OVCH2: variants seen among roughly 807,000 people sequenced by gnomAD.
OVCH2 encodes the protein ovochymase-2.
In OVCH2, 88 loss-of-function variants were observed where a neutral mutation model predicts 73.7. That is an observed-to-expected ratio of 1.19 (90% confidence interval 1.01 to 1.43). The LOEUF is 1.43. Among genes scored for constraint, OVCH2 ranks in the 40% most tolerant of loss-of-function variants. OVCH2 has a pLI of 0.00. For synonymous variants in OVCH2, 265 were observed against 234.5 expected (o/e 1.13, Z -1.19); for missense variants, 706 against 674.5 (o/e 1.05, Z -0.52).
chr11:7,692,627 G>A (rs141953584), intron 12 of OVCH2, among the ~76,000 whole-genome samples: 4 of 152,274 alleles, frequency 2.6e-5, no homozygotes, highest in Admixed American at 1.3e-4. Context: ...AAGTGGGCTC[G>A]GAGTCAAATG....
At chr11:7,702,688 G>C (rs1431930939) in intron 3 of OVCH2, among the ~76,000 whole-genome samples, 1 of 152,190 alleles carries the variant, frequency 6.6e-6, no homozygotes, top group African/African-American at 2.4e-5. Context: ...ATATCAGTGA[G>C]ACCCTTTGGG....
intron 14 of OVCH2, 122 bp downstream of exon 14, chr11:7,691,147 T>C: frequency 8.2e-7 from 1 of 1,214,452 alleles, no homozygotes; most frequent in South Asian, 1.4e-5. Context: ...GGTGACTTGA[T>C]AGGATGTAAT....
chr11:7,698,140 A>G (rs949825407), intron 8 of OVCH2, among the ~76,000 whole-genome samples: 16 of 152,206 alleles, frequency 1.1e-4, no homozygotes, highest in African/African-American at 3.9e-4. Flanking sequence ...TTGCAGCTTC[A>G]AAGATGTCTG....
chr11:7,696,614 G>T, intron 9 of OVCH2, 25 bp from the exon 10 acceptor site: 4 of 1,613,984 alleles, frequency 2.5e-6, no homozygotes, highest in Non-Finnish European at 3.4e-6. Flanking sequence ...TGGAGAGGGC[G>T]TTATTTCTAG....
At chr11:7,685,727 T>G (rs1361183016), downstream of OVCH2, among the ~76,000 whole-genome samples, 1 of 152,202 alleles carries the variant, frequency 6.6e-6, no homozygotes, top group Non-Finnish European at 1.5e-5. Flanking sequence ...TTATCTTGTG[T>G]CTTCAATGAA....
rs1367735067 is a variant in OVCH2 at position 7,696,219 on chromosome 11, G to A, written c.1141+246C>T. On this transcript the variant is annotated intron_variant, in intron 10 of 15. Coordinates refer to ENST00000533663, the MANE Select transcript of OVCH2 (RefSeq NM_198185.7). ...AGAGTTTATTCCTCATGGACACCAG[G>A]TCTGGCAAATGGGCCTAGGAAGCCT... is the stretch of plus-strand genomic sequence containing the variant. 2.6e-5 allele frequency among the ~76,000 whole-genome samples: 4 copies of A among 152,156 alleles called. 1 individual carries two copies. The highest frequency in any genetic ancestry group is 5.9e-5 in the Non-Finnish European group (4 of 68,030).
rs777626522 is a variant in OVCH2 at position 7,696,726 on chromosome 11, T to C, written c.999A>G (p.Leu333=). The part of the protein sequence containing the change: ...GKLHFPESLH[L]YYESKQRCVW... ...TTACTCACTGCTTGCTCTCATAATA[T>C]AGGTGGAGGCTTTCTGGGAAGTGCA... Residue 333 remains leucine, a synonymous_variant, in exon 9 of 16, where the codon CTA becomes CTG. Coordinates refer to ENST00000533663, the MANE Select transcript of OVCH2 (RefSeq NM_198185.7). 2.9e-5 allele frequency: 47 copies of C among 1,613,596 alleles called. No individual in the cohort carries two copies. In the South Asian group the frequency reaches 4.6e-4, roughly 16 times the overall value.
At chr11:7,702,036 C>G (rs1427010289) in intron 4 of OVCH2, 121 bp downstream of exon 4, 2 of 967,064 alleles carry the variant, frequency 2.1e-6, no homozygotes, top group East Asian at 5.2e-5. Flanking sequence ...GTAGGACTCT[C>G]CAGCCTAAAT....
At chr11:7,693,156 AG>A (rs2136152294) in intron 12 of OVCH2, among the ~76,000 whole-genome samples, 1 of 152,358 alleles carries the variant, frequency 6.6e-6, no homozygotes, top group African/African-American at 2.4e-5. Flanking sequence ...CTGATGAAAT[AG>A]GAACTCTAAT....
chr11:7,697,410 C>G (rs1024936619), intron 8 of OVCH2, among the ~76,000 whole-genome samples: 2 of 152,184 alleles, frequency 1.3e-5, no homozygotes, highest in African/African-American at 4.8e-5. Flanking sequence ...TAGCCTTCGT[C>G]CTCATCTGCT....
chr11:7,697,514 C>T (rs763739526), intron 8 of OVCH2, among the ~76,000 whole-genome samples: 7 of 152,144 alleles, frequency 4.6e-5, no homozygotes, highest in Non-Finnish European at 7.4e-5. Flanking sequence ...TTTTTTATGA[C>T]GGTTTCCTAG....
At position 7,698,778 on chromosome 11, in the gene OVCH2, G is replaced by A; in HGVS notation, c.902-5C>T. 1 of 1,612,624 alleles carries A rather than the reference G, an allele frequency of 6.2e-7. No homozygotes were observed. Among genetic ancestry groups the A allele is most frequent in the South Asian group, 1.1e-5 (1 of 90,530 alleles). On this transcript the variant is annotated splice_polypyrimidine_tract_variant and splice_region_variant and intron_variant, in intron 7 of 15. Coordinates refer to ENST00000533663, the MANE Select transcript of OVCH2 (RefSeq NM_198185.7). ...TGGAGCTCTTTCTCCGATTACCTGG[G>A]AAAGGAAAAGAAGGATGCAATTGAA...
At chr11:7,690,689 C>T (rs1210710336) in intron 14 of OVCH2, among the ~76,000 whole-genome samples, 2 of 152,146 alleles carry the variant, frequency 1.3e-5, no homozygotes, top group African/African-American at 2.4e-5. Flanking sequence ...CGTTTCCACA[C>T]GAGGTAAAAC....
intron 7 of OVCH2, chr11:7,699,164 C>G (rs1439258841): frequency 6.4e-6 from 1 of 156,358 alleles, no homozygotes; most frequent in Admixed American, 6.5e-5. Context: ...TGAAAACAAA[C>G]TCAAATTCCT....
Position 7,701,716 on chromosome 11 carries a change from C to T in OVCH2, c.559G>A (p.Gly187Ser). The T allele has an allele frequency of 1.9e-6, 3 of 1,610,522 alleles. No homozygotes were observed. The highest frequency in any genetic ancestry group is 2.5e-6 in the Non-Finnish European group (3 of 1,178,538). Reference sequence around the variant, plus strand: ...AGAGGAATGGCACACAAGTTCTTACCTTCAGTTAAGCGGCCCCAGCCTGCA... The same window carrying T: ...AGAGGAATGGCACACAAGTTCTTACTTTCAGTTAAGCGGCCCCAGCCTGCA... Reference protein sequence around the residue: ...TTAGWGRLTEGGVLSQVLQEV... With the variant: ...TTAGWGRLTESGVLSQVLQEV... The change falls in exon 5 of 16, where the codon GGT becomes AGT. Residue 187 changes from glycine to serine, a missense_variant and splice_region_variant. By Grantham distance (56) the Gly-to-Ser change is moderately conservative. Coordinates refer to ENST00000533663, the MANE Select transcript of OVCH2 (RefSeq NM_198185.7).
At chr11:7,679,123 C>G in the OVCH2 span, among the ~76,000 whole-genome samples, 8 of 152,260 alleles carry the variant, frequency 5.3e-5, no homozygotes, top group African/African-American at 1.9e-4. Flanking sequence ...TAATGGCACC[C>G]CAGATATGCC....
intron 6 of OVCH2, among the ~76,000 whole-genome samples, chr11:7,700,898 G>C (rs1385918646): frequency 6.6e-6 from 1 of 152,212 alleles, no homozygotes; most frequent in East Asian, 1.9e-4. Flanking sequence ...AGGAATGGGA[G>C]AACCCCGAGT....
intron 4 of OVCH2, 118 bp downstream of exon 4, chr11:7,702,039 G>T: frequency 1.0e-6 from 1 of 987,650 alleles, no homozygotes; most frequent in Non-Finnish European, 1.5e-6. Context: ...GGACTCTCCA[G>T]CCTAAATTCC....
chr11:7,699,384 G>T (rs1048964760), intron 7 of OVCH2: 1 of 152,288 alleles, frequency 6.6e-6, no homozygotes, highest in African/African-American at 2.4e-5. Context: ...CCAAAAATCC[G>T]AGGATGCTCA....
Sources: gnomAD v4.1 joint callset for allele counts (sites outside exome capture counted in the v4.1 genomes callset) on GRCh38, gnomAD v4.1.1 for gene constraint, MANE v1.5 for transcripts, NCBI Gene and HGNC (gene_info 2026-07-23, HGNC 2026-07-21) for gene names.